The following ERCC6L variants were observed in gnomAD, a reference collection of about 807,000 sequenced individuals.
ERCC6L encodes the protein DNA excision repair protein ERCC-6-like.
In ERCC6L, 7 loss-of-function variants were observed where a neutral mutation model predicts 20.1. The observed-to-expected ratio is 0.35, with a 90% CI of 0.20 to 0.65. The LOEUF (loss-of-function observed/expected upper bound fraction) is 0.65, where lower values mean the gene tolerates loss of function less well. Ranked by LOEUF, ERCC6L falls within the 30% of genes least tolerant of loss-of-function variation. The pLI, the probability that ERCC6L is intolerant of heterozygous loss-of-function variation, is 0.69. For missense variants in ERCC6L, 592 were observed against 892.4 expected (o/e 0.66, Z 4.29); for synonymous variants, 278 against 331.3 (o/e 0.84, Z 1.75).
rs139365371 is a variant in ERCC6L at position 72,208,356 on chromosome X, G to A, written c.411C>T (p.Ser137=). 78 of 1,209,943 alleles carry A rather than the reference G, an allele frequency of 6.4e-5. No individual in the cohort carries two copies. The highest frequency in any genetic ancestry group is 7.6e-5 in the Non-Finnish European group (68 of 895,126). The part of the protein sequence containing the change: ...GKTVQIIAFL[S]GMFDASLVNH... ...TCACAAGTGATGCATCAAACATACC[G>A]GAAAGGAAAGCAATGATTTGAACAG... Residue 137 remains serine (S), a synonymous_variant, in exon 2 of 2, where the codon TCC becomes TCT. Transcript: ENST00000334463.
At chrX:72,235,628 G>C (rs1195879164) in intron 1 of ERCC6L, among the ~76,000 whole-genome samples, 2 of 111,071 alleles carry the variant, frequency 1.8e-5, no homozygotes, top group Non-Finnish European at 3.8e-5. Flanking sequence ...CCTGACCTCA[G>C]GTGATCCACC....
chrX:72,232,855 C>T (rs927140093), intron 1 of ERCC6L, among the ~76,000 whole-genome samples: 5 of 110,584 alleles, frequency 4.5e-5, no homozygotes, highest in African/African-American at 1.6e-4. Flanking sequence ...ACTGATTTGA[C>T]ACTTTGGGAG....
chrX:72,209,096 C>A (rs2042837703), intron 1 of ERCC6L, among the ~76,000 whole-genome samples: 1 of 110,974 alleles, frequency 9.0e-6, no homozygotes, highest in Non-Finnish European at 1.9e-5. Context: ...ATTGATCACT[C>A]CCCTCCCCTC....
At position 72,204,938 on chromosome X, in the gene ERCC6L, C is replaced by A. The variant is rs776454870; in HGVS notation, c.*76G>T. On this transcript the variant is annotated 3_prime_UTR_variant, in exon 2 of 2. Coordinates refer to ENST00000334463, the MANE Select transcript of ERCC6L (RefSeq NM_017669.4). ...CTTAAGCCTGAATGCTTCATGTTCC[C>A]AAAGAATCCAATTATGGGAACAAAA... 51 of 956,298 alleles carry A rather than the reference C, an allele frequency of 5.3e-5. No homozygotes were observed. In the African/African-American group the frequency reaches 8.1e-4, roughly 15 times the overall value. 78.8% of individuals were successfully genotyped at this position (956,298 alleles called of 1,213,427 possible).
chrX:72,220,874 A>T, intron 1 of ERCC6L, among the ~76,000 whole-genome samples: 1 of 111,675 alleles, frequency 9.0e-6, no homozygotes, highest in Non-Finnish European at 1.9e-5. Context: ...CTCTTTCTTT[A>T]ACTCTTATAT....
chrX:72,217,996 C>T (rs1036921335), intron 1 of ERCC6L, among the ~76,000 whole-genome samples: 15 of 111,482 alleles, frequency 1.3e-4, no homozygotes, highest in African/African-American at 4.9e-4. Flanking sequence ...GGGGGCCGGG[C>T]GCGGTGGCTC....
At chrX:72,215,943 T>TA (rs1201537240) in intron 1 of ERCC6L, among the ~76,000 whole-genome samples, 1 of 110,663 alleles carries the variant, frequency 9.0e-6, no homozygotes, top group Non-Finnish European at 1.9e-5. Flanking sequence ...ACATATCCCC[T>TA]ATAAAATGTT....
At chrX:72,215,931 C>T (rs1452562969) in intron 1 of ERCC6L, among the ~76,000 whole-genome samples, 1 of 110,779 alleles carries the variant, frequency 9.0e-6, no homozygotes, top group Middle Eastern at 4.7e-3. Flanking sequence ...TCCTCTCCAT[C>T]CACATATCCC....
In ERCC6L at chrX:72,215,804, G is replaced by A. The variant is rs192906831; in HGVS notation, c.69-7106C>T. On this transcript the variant is annotated intron_variant, in intron 1 of 1. Transcript: ENST00000334463. Reference sequence around the variant, plus strand: ...CCTTTCTGCTGTGCTTAAAACCACTGATAACTACATCCCTCCTGAAGTTTT... The same window carrying A: ...CCTTTCTGCTGTGCTTAAAACCACTAATAACTACATCCCTCCTGAAGTTTT... Among the ~76,000 whole-genome samples the A allele has an allele frequency of 1.1e-4, 12 of 110,856 alleles. No homozygotes were observed. The East Asian group carries it at 3.4e-3, about 32-fold the overall frequency.
intron 1 of ERCC6L, 22 bp from the exon 2 acceptor site, chrX:72,208,720 G>T (rs1314963143): frequency 9.0e-7 from 1 of 1,113,770 alleles, no homozygotes; most frequent in East Asian, 3.0e-5. Context: ...AAAAGAAGAA[G>T]AGGAGAAAGG....
At chrX:72,231,557 C>T (rs2042983552) in intron 1 of ERCC6L, among the ~76,000 whole-genome samples, 1 of 104,839 alleles carries the variant, frequency 9.5e-6, no homozygotes, top group Non-Finnish European at 2.0e-5. Context: ...AAAGAATGAA[C>T]TTTTTTTTTT....
chrX:72,238,626 A>C (rs2147608987), intron 1 of ERCC6L, among the ~76,000 whole-genome samples: 1 of 112,754 alleles, frequency 8.9e-6, no homozygotes, highest in African/African-American at 3.2e-5. Flanking sequence ...CTGGAGGGTC[A>C]TTTGCCCAAA....
intron 1 of ERCC6L, among the ~76,000 whole-genome samples, chrX:72,224,668 C>T: frequency 9.0e-6 from 1 of 111,313 alleles, no homozygotes; most frequent in Non-Finnish European, 1.9e-5. Flanking sequence ...TTGCTTGAAT[C>T]CGGGAGGTGG....
intron 1 of ERCC6L, among the ~76,000 whole-genome samples, chrX:72,209,478 A>G (rs980727030): frequency 1.6e-4 from 18 of 112,188 alleles, no homozygotes; most frequent in African/African-American, 5.8e-4. Flanking sequence ...TAGCCACCCA[A>G]ACTTCAAATC....
chrX:72,225,501 C>G (rs1205211832), intron 1 of ERCC6L, among the ~76,000 whole-genome samples: 1 of 112,332 alleles, frequency 8.9e-6, no homozygotes, highest in Non-Finnish European at 1.9e-5. Context: ...AGTCTCATAC[C>G]TAGGATTAAT....
chrX:72,207,956 A>T lies in ERCC6L; in HGVS notation c.811T>A (p.Phe271Ile). The change falls in exon 2 of 2, where the codon TTT (phenylalanine) becomes ATT (isoleucine). Residue 271 changes from phenylalanine to isoleucine, a missense_variant. Around this residue, in one of 3 missense-constraint regions of ERCC6L, gnomAD observed 196 missense variants for 440.1 expected, o/e 0.45. Coordinates refer to ENST00000334463, the MANE Select transcript of ERCC6L (RefSeq NM_017669.4). ...QNNLQELWSL[F>I]DFACQGSLLG... ...AGGGACCCTTGACAAGCAAAATCAAATAGGGACCATAGTTCTTGTAAATTA... is the reference window on the plus strand; with the variant it reads ...AGGGACCCTTGACAAGCAAAATCAATTAGGGACCATAGTTCTTGTAAATTA... 1 of 1,211,342 alleles carries T rather than the reference A, an allele frequency of 8.3e-7. No homozygotes were observed. Among genetic ancestry groups the T allele is most frequent in the Non-Finnish European group, 1.1e-6 (1 of 895,380 alleles).
intron 1 of ERCC6L, among the ~76,000 whole-genome samples, chrX:72,217,732 A>T (rs993509302): frequency 4.5e-5 from 5 of 111,652 alleles, no homozygotes; most frequent in Non-Finnish European, 7.5e-5. Context: ...AAAATAAAAA[A>T]AAACACAAAA....
chrX:72,230,449 C>T (rs1028022425), intron 1 of ERCC6L, among the ~76,000 whole-genome samples: 8 of 111,460 alleles, frequency 7.2e-5, no homozygotes, highest in African/African-American at 2.3e-4. Flanking sequence ...GTGATAAGCC[C>T]CCTCACCCTA....
intron 1 of ERCC6L, among the ~76,000 whole-genome samples, chrX:72,230,511 C>T (rs1022216213): frequency 2.7e-5 from 3 of 112,453 alleles, no homozygotes; most frequent in African/African-American, 9.7e-5. Flanking sequence ...GACCAAAAAT[C>T]GGCCAGAAGC....
Sources: allele counts gnomAD v4.1 joint callset (sites outside exome capture counted in the v4.1 genomes callset), GRCh38; gene constraint gnomAD v4.1.1; regional missense constraint gnomAD v4.1.1; transcripts MANE v1.5; gene names NCBI Gene and HGNC (gene_info 2026-07-23, HGNC 2026-07-21).